Variants in THNSL1 observed in about 807,000 individuals in gnomAD.
The protein encoded by THNSL1 is threonine synthase like 1, also known as threonine synthase-like 1.
In THNSL1, 48 loss-of-function variants were observed where a neutral mutation model predicts 50.4. That is an observed-to-expected ratio of 0.95 (90% CI 0.76 to 1.21). THNSL1 has a LOEUF of 1.21. Among genes scored for constraint, THNSL1 ranks in the 50% most tolerant of loss-of-function variants. The pLI is 0.00. For synonymous variants in THNSL1, 309 were observed against 306.1 expected (o/e 1.01, Z -0.10); for missense variants, 896 against 871.7 (o/e 1.03, Z -0.35).
chr10:25,022,510 A>G (rs1850742295), intron 2 of THNSL1, among the ~76,000 whole-genome samples: 1 of 152,238 alleles, frequency 6.6e-6, no homozygotes, highest in Non-Finnish European at 1.5e-5. Context: ...CAATATGAAT[A>G]ATATGTAACA....
At chr10:24,958,485 A>G in the THNSL1 span, among the ~76,000 whole-genome samples, 1 of 152,236 alleles carries the variant, frequency 6.6e-6, no homozygotes, top group Non-Finnish European at 1.5e-5. Context: ...CTCTACATAA[A>G]TACAAAAGAA....
At chr10:25,022,311 G>A (rs1850737633) in intron 2 of THNSL1, among the ~76,000 whole-genome samples, 1 of 152,124 alleles carries the variant, frequency 6.6e-6, no homozygotes, top group South Asian at 2.1e-4. Context: ...CATTCCTGAG[G>A]TTCTTGGCTG....
At chr10:24,989,822 A>G in the THNSL1 span, among the ~76,000 whole-genome samples, 1 of 152,350 alleles carries the variant, frequency 6.6e-6, no homozygotes, top group South Asian at 2.1e-4. Context: ...CAGTATGACT[A>G]TAAAAAGTAC....
chr10:25,012,651 C>T (rs191931780), upstream of THNSL1, among the ~76,000 whole-genome samples: 144 of 152,266 alleles, frequency 9.5e-4, no homozygotes, highest in African/African-American at 3.3e-3. Context: ...TCTGCTATTT[C>T]GAATGGTTAT....
chr10:25,023,323 T>C lies in THNSL1; in HGVS notation c.100T>C (p.Ser34Pro), dbSNP rs765220072. The C allele has an allele frequency of 6.2e-7, 1 of 1,614,146 alleles. No individual in the cohort carries two copies. The highest frequency in any genetic ancestry group is 8.5e-7 in the Non-Finnish European group (1 of 1,179,990). Reference sequence around the variant, plus strand: ...GGATAAACATGCACAGCGATTTCTTTCAAGAACCTTTGCACTTGCGGAATT... The same window carrying C: ...GGATAAACATGCACAGCGATTTCTTCCAAGAACCTTTGCACTTGCGGAATT... ...KTDKHAQRFL[S>P]RTFALAELRK... Residue 34 changes from serine (S) to proline (P), a missense_variant, in exon 3 of 3, where the codon TCA (serine) becomes CCA (proline). Transcript: ENST00000376356.
the THNSL1 span, among the ~76,000 whole-genome samples, chr10:24,972,060 C>T: frequency 2.0e-5 from 3 of 150,518 alleles, no homozygotes; most frequent in African/African-American, 4.9e-5. Context: ...GGCGTGGTAG[C>T]GGGCACCTGT....
At chr10:25,018,024 T>C (rs551033324) in intron 1 of THNSL1, among the ~76,000 whole-genome samples, 1 of 152,302 alleles carries the variant, frequency 6.6e-6, no homozygotes, top group East Asian at 1.9e-4. Flanking sequence ...CAAAACATGA[T>C]TTCTGCAGTT....
chr10:25,004,681 T>C, the THNSL1 span, among the ~76,000 whole-genome samples: 1 of 152,192 alleles, frequency 6.6e-6, no homozygotes, highest in East Asian at 1.9e-4. Flanking sequence ...GTCAGATGCA[T>C]AGTTTGCAAA....
chr10:24,974,650 A>G, the THNSL1 span, among the ~76,000 whole-genome samples: 1 of 152,230 alleles, frequency 6.6e-6, no homozygotes. Flanking sequence ...AAAAAATATA[A>G]TGGTCAGTTG....
chr10:25,017,062 C>G (rs7082131), intron 1 of THNSL1, among the ~76,000 whole-genome samples: 68,691 of 152,046 alleles, frequency 0.45, 16,725 homozygotes, highest in African/African-American at 0.65. Flanking sequence ...GGCGGTCCTC[C>G]GGGTCGGCTC....
At chr10:24,984,191 T>C in the THNSL1 span, 2 of 609,130 alleles carry the variant, frequency 3.3e-6, no homozygotes, top group Admixed American at 3.3e-5. Context: ...GTGTTACGAA[T>C]ACTGAAAATA....
chr10:24,967,391 G>T, the THNSL1 span, among the ~76,000 whole-genome samples: 8 of 152,276 alleles, frequency 5.3e-5, no homozygotes, highest in African/African-American at 1.7e-4. Context: ...AAAGGCTTTG[G>T]CTCTTACAAC....
At position 25,026,498 on chromosome 10, in the gene THNSL1, G is replaced by A. The variant is rs1003029923; in HGVS notation, c.*1043G>A. 1 of 166,996 alleles carries A rather than the reference G, an allele frequency of 6.0e-6. No individual in the cohort carries two copies. The highest frequency in any genetic ancestry group is 1.5e-5 in the Non-Finnish European group (1 of 68,112). The allele number at this position is 166,996 out of a possible 1,614,324, so 10.3% of individuals were successfully genotyped here. A position where few individuals can be genotyped will look rare whatever the true frequency, so the allele number is the denominator to read the frequency against. Reference sequence around the variant, plus strand: ...TTTGGAGTCAATTCTTACGTAATTTGTTGTTTATTTCTTCAGTGAACATTG... The same window carrying A: ...TTTGGAGTCAATTCTTACGTAATTTATTGTTTATTTCTTCAGTGAACATTG... On this transcript the variant is annotated 3_prime_UTR_variant, in exon 3 of 3. Coordinates refer to ENST00000376356, the MANE Select transcript of THNSL1 (RefSeq NM_024838.5).
chr10:24,999,554 T>C, the THNSL1 span: 4 of 1,595,802 alleles, frequency 2.5e-6, no homozygotes, highest in Middle Eastern at 5.1e-4. Context: ...TACCTAAAAT[T>C]GAATTTTAAA....
Position 25,025,416 on chromosome 10 carries a change from G to A in THNSL1, c.2193G>A (p.Lys731=), listed in dbSNP as rs1440043286. Residue 731 remains lysine, a synonymous_variant, in exon 3 of 3, where the codon AAG becomes AAA. Transcript: ENST00000376356. The part of the protein sequence containing the change: ...QVCAADMNVL[K]SHVEQLVQNQ... ...GTGCAGCTGATATGAATGTCTTGAA[G>A]AGTCATGTGGAACAACTTGTCCAAA... The A allele has an allele frequency of 1.9e-6, 3 of 1,611,164 alleles. No individual in the cohort carries two copies. Among genetic ancestry groups the A allele is most frequent in the Non-Finnish European group, 1.7e-6 (2 of 1,179,062 alleles).
chr10:25,020,440 T>C (rs11014349), intron 1 of THNSL1, among the ~76,000 whole-genome samples: 38,423 of 151,932 alleles, frequency 0.25, 5,719 homozygotes, highest in East Asian at 0.5. Context: ...ATGTTAAGCA[T>C]GGTAGCAAGC....
the THNSL1 span, among the ~76,000 whole-genome samples, chr10:24,959,468 T>C: frequency 1.3e-5 from 2 of 152,196 alleles, no homozygotes; most frequent in African/African-American, 2.4e-5. Context: ...CTGATCTACA[T>C]AGAGCAACAC....
rs1363000864 is a variant in THNSL1, at chr10:25,024,634, A to G, written c.1411A>G (p.Ile471Val). The G allele has an allele frequency of 4.3e-6, 7 of 1,614,126 alleles. No homozygotes were observed. Among genetic ancestry groups the G allele is most frequent in the Non-Finnish European group, 5.9e-6 (7 of 1,180,052 alleles). ...AACAATCTTAAGTTCGGCTAACTCC[A>G]TAAACTGGGGCCGACTACTTCCGCA... ...YGTILSSANS[I>V]NWGRLLPQVV... is the part of the protein sequence containing the mutation. Residue 471 changes from isoleucine to valine, a missense_variant, in exon 3 of 3, where the codon ATA becomes GTA. Coordinates refer to ENST00000376356, the MANE Select transcript of THNSL1 (RefSeq NM_024838.5).
chr10:25,021,153 A>G (rs900560858), intron 1 of THNSL1, among the ~76,000 whole-genome samples: 1 of 152,204 alleles, frequency 6.6e-6, no homozygotes, highest in African/African-American at 2.4e-5. Flanking sequence ...ATTTGGGTTC[A>G]ATTTATATAT....
Sources: gnomAD v4.1 joint callset for allele counts (sites outside exome capture counted in the v4.1 genomes callset) on GRCh38, gnomAD v4.1.1 for gene constraint, MANE v1.5 for transcripts, NCBI Gene and HGNC (gene_info 2026-07-23, HGNC 2026-07-21) for gene names.